The following PARD3B variants were observed in gnomAD, a reference collection of about 807,000 sequenced individuals.
PARD3B encodes the protein partitioning defective 3 homolog B.
PARD3B carries 103 observed loss-of-function variants against 130.2 expected under a neutral mutation model. The ratio of observed to expected loss-of-function variants is 0.79; its 90% CI spans 0.67 to 0.93. The LOEUF is 0.93. Among genes scored for constraint, PARD3B ranks in the 40% least tolerant of loss-of-function variants. PARD3B has a pLI of 0.00. For synonymous variants in PARD3B, 583 were observed against 553.2 expected (o/e 1.05, Z -0.76); for missense variants, 1,609 against 1,499.2 (o/e 1.07, Z -1.21).
intron 5 of PARD3B, among the ~76,000 whole-genome samples, chr2:205,107,069 A>G (rs2125582942): frequency 6.6e-6 from 1 of 152,334 alleles, no homozygotes; most frequent in East Asian, 1.9e-4. Context: ...GCATCCACGT[A>G]GAAGCTAAGT....
At chr2:204,935,313 A>C (rs1688342565) in intron 2 of PARD3B, among the ~76,000 whole-genome samples, 1 of 150,816 alleles carries the variant, frequency 6.6e-6, no homozygotes, top group South Asian at 2.1e-4. Context: ...GCGGATCACA[A>C]GGTCAGGAGA....
intron 21 of PARD3B, among the ~76,000 whole-genome samples, chr2:205,548,739 G>T (rs1352765610): frequency 6.6e-6 from 1 of 151,934 alleles, no homozygotes; most frequent in Non-Finnish European, 1.5e-5. Flanking sequence ...AAGACCAAAG[G>T]CATGATCTGT....
At chr2:204,901,183 A>G (rs1236723878) in intron 2 of PARD3B, among the ~76,000 whole-genome samples, 2 of 152,070 alleles carry the variant, frequency 1.3e-5, no homozygotes, top group Non-Finnish European at 2.9e-5. Flanking sequence ...CCTTCCCTTC[A>G]GGGCAGTGAT....
intron 21 of PARD3B, among the ~76,000 whole-genome samples, chr2:205,541,059 C>T (rs891530893): frequency 2.6e-5 from 4 of 151,626 alleles, no homozygotes; most frequent in Admixed American, 6.6e-5. Context: ...AAGTAAGATG[C>T]TATATATACA....
At chr2:204,624,669 A>T (rs2125131884) in intron 1 of PARD3B, among the ~76,000 whole-genome samples, 1 of 152,242 alleles carries the variant, frequency 6.6e-6, no homozygotes, top group South Asian at 2.1e-4. Flanking sequence ...TGGTTATCAT[A>T]AATAAAGCTG....
At chr2:204,971,801 G>A (rs2125178211) in intron 3 of PARD3B, among the ~76,000 whole-genome samples, 1 of 150,628 alleles carries the variant, frequency 6.6e-6, no homozygotes, top group South Asian at 2.1e-4. Context: ...CCCATTTTGA[G>A]CACCACTCTT....
intron 2 of PARD3B, among the ~76,000 whole-genome samples, chr2:204,700,673 G>A (rs2037849299): frequency 6.6e-6 from 1 of 152,040 alleles, no homozygotes; most frequent in Non-Finnish European, 1.5e-5. Context: ...CAATGCCAGT[G>A]TCTTGATTAT....
In PARD3B at chr2:205,287,773, G is replaced by A. The variant is rs917052126; in HGVS notation, c.2186-12757G>A. Among the ~76,000 whole-genome samples the A allele has an allele frequency of 1.3e-5, 2 of 152,166 alleles. No individual in the cohort carries two copies. Among genetic ancestry groups the A allele is most frequent in the African/African-American group, 2.4e-5 (1 of 41,444 alleles). Reference sequence around the variant, plus strand: ...GTTGTGACACTCTTGCTGTTTCTCTGTGCGCTTCTCTGAGGTAGAGTAAAG... The same window carrying A: ...GTTGTGACACTCTTGCTGTTTCTCTATGCGCTTCTCTGAGGTAGAGTAAAG... On this transcript the variant is annotated intron_variant, in intron 16 of 22. Coordinates refer to ENST00000406610, the MANE Select transcript of PARD3B (RefSeq NM_001302769.2). This position sits in a 1 kb window ranked among gnomAD's most constrained non-coding sequence, Gnocchi z 4.8.
chr2:205,539,926 C>T (rs962160366), intron 21 of PARD3B, among the ~76,000 whole-genome samples: 3 of 152,114 alleles, frequency 2.0e-5, no homozygotes, highest in East Asian at 1.9e-4. Context: ...TTCACTAGTT[C>T]GAAAGTAACT....
intron 1 of PARD3B, among the ~76,000 whole-genome samples, chr2:204,646,786 T>C (rs938247753): frequency 3.3e-5 from 5 of 152,034 alleles, no homozygotes; most frequent in Non-Finnish European, 5.9e-5. Context: ...TGCTCCTTTA[T>C]AATGGGGTCA....
intron 2 of PARD3B, among the ~76,000 whole-genome samples, chr2:204,780,201 A>C (rs192312692): frequency 2.6e-5 from 4 of 152,170 alleles, no homozygotes; most frequent in African/African-American, 9.6e-5. Context: ...TAAGGATTTG[A>C]GTTCTTAGCC....
chr2:204,970,753 T>C (rs1398824188), intron 3 of PARD3B, among the ~76,000 whole-genome samples: 1 of 152,260 alleles, frequency 6.6e-6, no homozygotes, highest in Non-Finnish European at 1.5e-5. Flanking sequence ...AAAAGTACTT[T>C]AAACTTGGCT....
chr2:205,012,128 C>G (rs1240079171), intron 3 of PARD3B, among the ~76,000 whole-genome samples: 1 of 152,168 alleles, frequency 6.6e-6, no homozygotes, highest in Non-Finnish European at 1.5e-5. Flanking sequence ...AGCTGTCTCT[C>G]TTCTGGAGAG....
At chr2:204,676,564 T>C (rs1051895097) in intron 1 of PARD3B, among the ~76,000 whole-genome samples, 4 of 152,042 alleles carry the variant, frequency 2.6e-5, no homozygotes, top group African/African-American at 9.7e-5. Flanking sequence ...CCACGTCTTA[T>C]CCTGTAGCAT....
chr2:205,520,029 A>G (rs1403787304), intron 21 of PARD3B, among the ~76,000 whole-genome samples: 1 of 152,086 alleles, frequency 6.6e-6, no homozygotes, highest in Non-Finnish European at 1.5e-5. Context: ...TGCTGGCTGT[A>G]GATAATGGCT....
chr2:205,005,611 T>C (rs1307817571), intron 3 of PARD3B, among the ~76,000 whole-genome samples: 1 of 152,146 alleles, frequency 6.6e-6, no homozygotes, highest in African/African-American at 2.4e-5. Context: ...CAAAAAGGAA[T>C]GGATTAAGAG....
intron 2 of PARD3B, among the ~76,000 whole-genome samples, chr2:204,830,879 G>A (rs577987645): frequency 3.9e-5 from 6 of 152,290 alleles, no homozygotes; most frequent in Admixed American, 3.3e-4. Flanking sequence ...TTAGGTCTCT[G>A]ATATATGTGT....
At chr2:204,916,665 G>A (rs920785433) in intron 2 of PARD3B, among the ~76,000 whole-genome samples, 3 of 152,014 alleles carry the variant, frequency 2.0e-5, no homozygotes, top group African/African-American at 7.2e-5. Context: ...TGATAAAAAA[G>A]ATTCACTGTA....
chr2:204,990,815 T>C (rs542052776), intron 3 of PARD3B, among the ~76,000 whole-genome samples: 2 of 152,324 alleles, frequency 1.3e-5, no homozygotes, highest in South Asian at 4.1e-4. Context: ...GAGAGACTCT[T>C]CTACTTTATA....
Sources: allele counts gnomAD v4.1 joint callset (sites outside exome capture counted in the v4.1 genomes callset), GRCh38; gene constraint gnomAD v4.1.1; non-coding constraint Gnocchi (gnomAD v3.1); transcripts MANE v1.5; gene names NCBI Gene and HGNC (gene_info 2026-07-23, HGNC 2026-07-21).